Variants in NR4A2 observed in about 807,000 individuals in gnomAD.
The protein encoded by NR4A2 is nuclear receptor subfamily 4 group A member 2, also known as NGFI-B/nur77 beta-type transcription factor homolog.
A neutral mutation model predicts 50.5 loss-of-function variants in NR4A2; 1 was observed. That is an observed-to-expected ratio of 0.02 (90% CI 0.01 to 0.09). NR4A2 has a LOEUF of 0.09. Ranked by LOEUF, NR4A2 falls within the 10% of genes least tolerant of loss-of-function variation. The pLI, the probability that NR4A2 is intolerant of heterozygous loss-of-function variation, is 1.00. For missense variants in NR4A2, 613 were observed against 777.3 expected (o/e 0.79, Z 2.51); for synonymous variants, 328 against 309.4 (o/e 1.06, Z -0.63).
In NR4A2 at chr2:156,332,661, C is replaced by T; in HGVS notation, c.-308G>A. On this transcript the variant is annotated 5_prime_UTR_variant, in exon 1 of 8. Transcript: ENST00000339562. ...GGACAGGCAAAAGGGACCGCGGAGC[C>T]GTGCGCGAGCCGCCGGGCGGACTGG... The T allele has an allele frequency of 2.4e-6, 1 of 419,830 alleles. No homozygotes were observed. The highest frequency in any genetic ancestry group is 1.7e-5 in the South Asian group (1 of 57,438). 26.0% of individuals were successfully genotyped at this position (419,830 alleles called of 1,614,324 possible). A position where few individuals can be genotyped will look rare whatever the true frequency, so the allele number is the denominator to read the frequency against.
Position 156,325,651 on chromosome 2 carries a change from C to T in NR4A2, c.*93G>A. Reference sequence around the variant, plus strand: ...AAATGGGGGGCAGCTTGAGCTGAGACTGCTCACACGGCTATCTCTGCCCAT... The same window carrying T: ...AAATGGGGGGCAGCTTGAGCTGAGATTGCTCACACGGCTATCTCTGCCCAT... On this transcript the variant is annotated 3_prime_UTR_variant, in exon 8 of 8. Transcript: ENST00000339562. The T allele has an allele frequency of 6.6e-7, 1 of 1,506,246 alleles. No homozygotes were observed. The highest frequency in any genetic ancestry group is 1.1e-5 in the South Asian group (1 of 88,114). The allele number at this position is 1,506,246 out of a possible 1,614,324, so 93.3% of individuals were successfully genotyped here.
chr2:156,329,942 G>A lies in NR4A2; in HGVS notation c.245C>T (p.Pro82Leu), dbSNP rs1403697315. 6.2e-7 allele frequency: 1 copy of A among 1,614,210 alleles called. No homozygotes were observed. The highest frequency in any genetic ancestry group is 1.1e-5 in the South Asian group (1 of 91,082). The stretch of plus-strand genomic sequence containing the variant: ...AATGGAGGACTGCTGTCCGGACAGG[G>A]GCATTTGGTACAAGCAAGGTGGCTT... ...DVKPPCLYQM[P>L]LSGQQSSIKV... Residue 82 changes from proline to leucine, a missense_variant, in exon 3 of 8, where the codon CCC becomes CTC. Pro to Leu is a moderately conservative substitution (Grantham distance 98). Transcript: ENST00000339562. The surrounding 1 kb of genome is among the most constrained non-coding windows in gnomAD (Gnocchi z 7.5).
Position 156,328,684 on chromosome 2 carries a change from TTTTC to T in NR4A2, c.865-155_865-152del, listed in dbSNP as rs1353921841. The T allele has an allele frequency of 2.6e-5, 27 of 1,024,536 alleles. No homozygotes were observed. The highest frequency in any genetic ancestry group is 3.3e-5 in the African/African-American group (2 of 61,518). 63.5% of individuals were successfully genotyped at this position (1,024,536 alleles called of 1,614,324 possible). The stretch of plus-strand genomic sequence containing the variant: ...ATTCCATTTTATTTTTTTCTCTTCC[TTTTC>T]TTTCTTTCTTTTCTTTTTTCCTCCC... On this transcript the variant is annotated intron_variant, in intron 3 of 7. Coordinates refer to ENST00000339562, the MANE Select transcript of NR4A2 (RefSeq NM_006186.4). This position sits in a 1 kb window ranked among gnomAD's most constrained non-coding sequence, Gnocchi z 4.9.
Position 156,325,332 on chromosome 2 carries a change from GTGT to G in NR4A2, c.*409_*411del. The G allele has an allele frequency of 3.8e-6, 1 of 264,146 alleles. No individual in the cohort carries two copies. Among genetic ancestry groups the G allele is most frequent in the South Asian group, 4.3e-5 (1 of 23,442 alleles). 16.4% of individuals were successfully genotyped at this position (264,146 alleles called of 1,614,324 possible). ...CCCCTTAAGATGTGTCTCTGTGTGTGTGTGTGTGTGTGTATGTGTGTGTGTGTT... is the reference window on the plus strand; with the variant it reads ...CCCCTTAAGATGTGTCTCTGTGTGTGGTGTGTGTGTATGTGTGTGTGTGTT... On this transcript the variant is annotated 3_prime_UTR_variant, in exon 8 of 8. Coordinates refer to ENST00000339562, the MANE Select transcript of NR4A2 (RefSeq NM_006186.4).
At chr2:156,332,156 T>G (rs981661531) in intron 1 of NR4A2, among the ~76,000 whole-genome samples, 1 of 152,130 alleles carries the variant, frequency 6.6e-6, no homozygotes, top group African/African-American at 2.4e-5. Context: ...CCACAATCAA[T>G]TCCTCACTAA....
Position 156,327,877 on chromosome 2 carries a change from C to T in NR4A2, c.1132G>A (p.Ala378Thr). ...LVRAHVDSNP[A>T]MTSLDYSRFQ... ...CTGGAATAGTCCAGGCTGGTCATAG[C>T]CGGGTTGGAGTCGACATGGGCCCTG... is the stretch of plus-strand genomic sequence containing the variant. Residue 378 changes from alanine (A) to threonine (T), a missense_variant, in exon 5 of 8, where the codon GCT becomes ACT. Physicochemically the swap from Ala to Thr is moderately conservative, Grantham distance 58 (BLOSUM62 0). This residue lies in a region of NR4A2 where 250 missense variants were observed against 311.3 expected (regional missense o/e 0.80). Coordinates refer to ENST00000339562, the MANE Select transcript of NR4A2 (RefSeq NM_006186.4). 1 of 1,589,764 alleles carries T rather than the reference C, an allele frequency of 6.3e-7. No homozygotes were observed.
rs746994082 is a variant in NR4A2 at position 156,329,733 on chromosome 2, A to T, written c.454T>A (p.Phe152Ile). ...MWDDPGSLHN[F>I]HQNYVATTHM... ...GTAGTGGCCACGTAGTTCTGGTGGA[A>T]GTTGTGGAGAGATCCCGGGTCGTCC... Residue 152 changes from phenylalanine to isoleucine, a missense_variant, in exon 3 of 8, where the codon TTC (phenylalanine) becomes ATC (isoleucine). Physicochemically the swap from Phe to Ile is conservative, Grantham distance 21. Transcript: ENST00000339562. This position sits in a 1 kb window ranked among gnomAD's most constrained non-coding sequence, Gnocchi z 7.5. 14 of 1,613,974 alleles carry T rather than the reference A, an allele frequency of 8.7e-6. No homozygotes were observed. Among genetic ancestry groups the T allele is most frequent in the Non-Finnish European group, 1.2e-5 (14 of 1,179,894 alleles).
Position 156,326,038 on chromosome 2 carries a change from C to G in NR4A2, c.1541-38G>C. On this transcript the variant is annotated intron_variant, in intron 7 of 7. Transcript: ENST00000339562. The surrounding 1 kb of genome is among the most constrained non-coding windows in gnomAD (Gnocchi z 4.2). The stretch of plus-strand genomic sequence containing the variant: ...TAATCAGAAACAAAAGAAGAATGTA[C>G]AAGACAGTTAGCTAGTTGGCAAAAC... 6.2e-7 allele frequency: 1 copy of G among 1,613,946 alleles called. No homozygotes were observed. The highest frequency in any genetic ancestry group is 1.1e-5 in the South Asian group (1 of 91,046).
At position 156,324,591 on chromosome 2, in the gene NR4A2, A is replaced by C. The variant is rs1490087753; in HGVS notation, c.*1153T>G. On this transcript the variant is annotated 3_prime_UTR_variant, in exon 8 of 8. Transcript: ENST00000339562. ...CCATACTAGAAATATACAAAGAAAAATACTACAGAATATGGCAATATTAAA... is the reference window on the plus strand; with the variant it reads ...CCATACTAGAAATATACAAAGAAAACTACTACAGAATATGGCAATATTAAA... The C allele has an allele frequency of 3.3e-5, 5 of 152,652 alleles. No homozygotes were observed. Among genetic ancestry groups the C allele is most frequent in the Non-Finnish European group, 7.3e-5 (5 of 68,044 alleles). The allele number at this position is 152,652 out of a possible 1,614,324, so 9.5% of individuals were successfully genotyped here.
In NR4A2 at chr2:156,327,859, A is replaced by G. The variant is rs770496698; in HGVS notation, c.1150T>C (p.Tyr384His). ...CCCCGCCAGCTTCTTACCCTGGAAT[A>G]GTCCAGGCTGGTCATAGCCGGGTTG... ...DSNPAMTSLD[Y>H]SRFQANPDYQ... Residue 384 changes from tyrosine to histidine, a missense_variant, in exon 5 of 8, where the codon TAT becomes CAT. By Grantham distance (83) the Tyr-to-His change is moderately conservative (BLOSUM62 2). This residue lies in a region of NR4A2 where 250 missense variants were observed against 311.3 expected (regional missense o/e 0.80). Coordinates refer to ENST00000339562, the MANE Select transcript of NR4A2 (RefSeq NM_006186.4). 6.9e-6 allele frequency: 11 copies of G among 1,583,062 alleles called. No individual in the cohort carries two copies. The East Asian group carries it at 2.5e-4, about 36-fold the overall frequency.
rs770158698 is a variant in NR4A2, at chr2:156,328,497, C to T, written c.901G>A (p.Ala301Thr). ...TTGTCCACTGGGCAGTTTTTATTTG[C>T]TAAACACACGTATTTTGCATTTTTT... ...VQKNAKYVCL[A>T]NKNCPVDKRR... Residue 301 changes from alanine to threonine, a missense_variant, in exon 4 of 8, where the codon GCA becomes ACA. By Grantham distance (58) the Ala-to-Thr change is moderately conservative. Transcript: ENST00000339562. The surrounding 1 kb of genome is among the most constrained non-coding windows in gnomAD (Gnocchi z 4.9). The T allele has an allele frequency of 6.2e-7, 1 of 1,614,090 alleles. No individual in the cohort carries two copies. The highest frequency in any genetic ancestry group is 1.3e-5 in the African/African-American group (1 of 74,930).
At position 156,330,750 on chromosome 2, in the gene NR4A2, T is replaced by G. The variant is rs988566396; in HGVS notation, c.-85A>C. 9 of 1,255,996 alleles carry G rather than the reference T, an allele frequency of 7.2e-6. No homozygotes were observed. The African/African-American group carries it at 1.1e-4, about 15-fold the overall frequency. The allele number at this position is 1,255,996 out of a possible 1,614,324, so 77.8% of individuals were successfully genotyped here. A position where few individuals can be genotyped will look rare whatever the true frequency, so the allele number is the denominator to read the frequency against. ...AATGAAGGACAAAGTTTCCAAGATT[T>G]TTAGAAAAGCAATGGGGAGTCCAGC... On this transcript the variant is annotated 5_prime_UTR_variant, in exon 2 of 8. Transcript: ENST00000339562.
At position 156,329,504 on chromosome 2, in the gene NR4A2, G is replaced by T. The variant is rs1198763408; in HGVS notation, c.683C>A (p.Ala228Glu). 2 of 1,605,174 alleles carry T rather than the reference G, an allele frequency of 1.2e-6. No homozygotes were observed. The highest frequency in any genetic ancestry group is 1.3e-5 in the African/African-American group (1 of 74,954). The change falls in exon 3 of 8, where the codon GCG becomes GAG. Residue 228 changes from alanine (A) to glutamate (E), a missense_variant. Physicochemically the swap from Ala to Glu is moderately radical, Grantham distance 107 (BLOSUM62 -1). Coordinates refer to ENST00000339562, the MANE Select transcript of NR4A2 (RefSeq NM_006186.4). The surrounding 1 kb of genome is among the most constrained non-coding windows in gnomAD (Gnocchi z 7.5). ...FAVPNPIRKP[A>E]SMGFPGLQIG... is the part of the protein sequence containing the mutation. ...CTGCAGGCCCGGGAAGCCCATGGAC[G>T]CGGGCTTGCGAATGGGGTTGGGCAC...
rs943205037 is a variant in NR4A2 at position 156,329,815 on chromosome 2, G to A, written c.372C>T (p.Pro124=). Residue 124 remains proline, a synonymous_variant, in exon 3 of 8, where the codon CCC becomes CCT. Coordinates refer to ENST00000339562, the MANE Select transcript of NR4A2 (RefSeq NM_006186.4). The surrounding 1 kb of genome is among the most constrained non-coding windows in gnomAD (Gnocchi z 7.5). ...GGGTGGTGGGCGTCGGGGGCGAGGA[G>A]GGCTTGTAGTAAACCGACCCGGAGT... The part of the protein sequence containing the change: ...MPHSGSVYYK[P]SSPPTPTTPG... The A allele has an allele frequency of 3.7e-6, 6 of 1,613,802 alleles. No homozygotes were observed. Among genetic ancestry groups the A allele is most frequent in the South Asian group, 1.1e-5 (1 of 91,086 alleles).
chr2:156,329,606 A>G lies in NR4A2; in HGVS notation c.581T>C (p.Phe194Ser). The change falls in exon 3 of 8, where the codon TTC becomes TCC. Residue 194 changes from phenylalanine (F) to serine (S), a missense_variant. Around this residue, in one of 4 missense-constraint regions of NR4A2, gnomAD observed 275 missense variants for 248.9 expected, o/e 1.10. Transcript: ENST00000339562. The surrounding 1 kb of genome is among the most constrained non-coding windows in gnomAD (Gnocchi z 7.5). Reference sequence around the variant, plus strand: ...CATGGGGACGTGCAGGGGCCCGTCGAAGCGCATCTGGCAACTAGACACCGG... The same window carrying G: ...CATGGGGACGTGCAGGGGCCCGTCGGAGCGCATCTGGCAACTAGACACCGG... The part of the protein sequence containing the change: ...GTPVSSCQMR[F>S]DGPLHVPMNP... 1.9e-6 allele frequency: 3 copies of G among 1,610,188 alleles called. No individual in the cohort carries two copies. The highest frequency in any genetic ancestry group is 2.5e-6 in the Non-Finnish European group (3 of 1,178,024).
rs1686749233 is a variant in NR4A2, at chr2:156,328,302, G to A, written c.994+102C>T. The A allele has an allele frequency of 6.4e-7, 1 of 1,573,668 alleles. No individual in the cohort carries two copies. The highest frequency in any genetic ancestry group is 1.3e-5 in the African/African-American group (1 of 74,216). ...GTCCTGGAGGCCATACTGAGGGGGA[G>A]TCGGAGATCCCCAGCACCGGGAAGT... On this transcript the variant is annotated intron_variant, in intron 4 of 7. Coordinates refer to ENST00000339562, the MANE Select transcript of NR4A2 (RefSeq NM_006186.4). The surrounding 1 kb of genome is among the most constrained non-coding windows in gnomAD (Gnocchi z 4.9).
rs1385712643 is a variant in NR4A2 at position 156,330,771 on chromosome 2, C to G, written c.-106G>C. On this transcript the variant is annotated 5_prime_UTR_variant, in exon 2 of 8. Transcript: ENST00000339562. ...GATTTTTAGAAAAGCAATGGGGAGT[C>G]CAGCCTGTCCAATCTCCTCCCTGAA... is the stretch of plus-strand genomic sequence containing the variant. 8.0e-7 allele frequency: 1 copy of G among 1,249,542 alleles called. No individual in the cohort carries two copies. The highest frequency in any genetic ancestry group is 3.0e-5 in the East Asian group (1 of 32,922). 77.4% of individuals were successfully genotyped at this position (1,249,542 alleles called of 1,614,324 possible). A position where few individuals can be genotyped will look rare whatever the true frequency, so the allele number is the denominator to read the frequency against.
rs947365079 is a variant in NR4A2 at position 156,329,260 on chromosome 2, C to A, written c.864+63G>T. On this transcript the variant is annotated intron_variant, in intron 3 of 7. Coordinates refer to ENST00000339562, the MANE Select transcript of NR4A2 (RefSeq NM_006186.4). The surrounding 1 kb of genome is among the most constrained non-coding windows in gnomAD (Gnocchi z 7.5). Reference sequence around the variant, plus strand: ...GCTACTGGCACCAAGGCAGAGGGCACACTCCGAGGTCCCGGGCACTAGGGG... The same window carrying A: ...GCTACTGGCACCAAGGCAGAGGGCAAACTCCGAGGTCCCGGGCACTAGGGG... 4 of 1,565,784 alleles carry A rather than the reference C, an allele frequency of 2.6e-6. No homozygotes were observed. The highest frequency in any genetic ancestry group is 2.2e-4 in the Middle Eastern group (1 of 4,530).
Position 156,330,683 on chromosome 2 carries a change from A to T in NR4A2, c.-18T>A. 7.9e-7 allele frequency: 1 copy of T among 1,272,214 alleles called. No homozygotes were observed. Among genetic ancestry groups the T allele is most frequent in the South Asian group, 3.3e-5 (1 of 30,692 alleles). The allele number at this position is 1,272,214 out of a possible 1,614,324, so 78.8% of individuals were successfully genotyped here. ...TTGCACTAACCTTCAGCCGAGTTAC[A>T]GGCGTTTTCGAGGAAATTAAAGGTG... is the stretch of plus-strand genomic sequence containing the variant. On this transcript the variant is annotated 5_prime_UTR_variant, in exon 2 of 8. Transcript: ENST00000339562.
Sources: allele counts gnomAD v4.1 joint callset (sites outside exome capture counted in the v4.1 genomes callset), GRCh38; gene constraint gnomAD v4.1.1; regional missense constraint gnomAD v4.1.1; non-coding constraint Gnocchi (gnomAD v3.1); transcripts MANE v1.5; gene names NCBI Gene and HGNC (gene_info 2026-07-23, HGNC 2026-07-21).